RBM14: variants seen among roughly 807,000 people sequenced by gnomAD.
The protein encoded by RBM14 is RNA-binding protein 14.
A neutral mutation model predicts 52.8 loss-of-function variants in RBM14; 5 were observed. That is an observed-to-expected ratio of 0.09 (90% CI 0.05 to 0.20). The LOEUF is 0.20. Ranked by LOEUF, RBM14 falls within the 10% of genes least tolerant of loss-of-function variation. RBM14 has a pLI of 1.00. For synonymous variants in RBM14, 411 were observed against 401.8 expected (o/e 1.02, Z -0.28); for missense variants, 780 against 926.6 (o/e 0.84, Z 2.05).
At chr11:66,619,908 T>C (rs1258303116) in intron 1 of RBM14, among the ~76,000 whole-genome samples, 1 of 152,244 alleles carries the variant, frequency 6.6e-6, no homozygotes, top group Non-Finnish European at 1.5e-5. Context: ...AGAACTTGTT[T>C]TTCTGGATTC....
rs1200714254 is a variant in RBM14, at chr11:66,627,116, T to G, written c.*448T>G. On this transcript the variant is annotated 3_prime_UTR_variant, in exon 3 of 3. Transcript: ENST00000310137. ...CCTATGTGCCAAGCTGTGCCAGCAG[T>G]CCAGGGTACCCTGACTGTCCCTCTG... 6.2e-6 allele frequency: 1 copy of G among 162,458 alleles called. No homozygotes were observed. Among genetic ancestry groups the G allele is most frequent in the Non-Finnish European group, 1.3e-5 (1 of 74,688 alleles). The allele number at this position is 162,458 out of a possible 1,614,324, so 10.1% of individuals were successfully genotyped here. A position where few individuals can be genotyped will look rare whatever the true frequency, so the allele number is the denominator to read the frequency against.
rs1334957287 is a variant in RBM14 at position 66,624,561 on chromosome 11, C to T, written c.685C>T (p.Pro229Ser). 3 of 1,612,734 alleles carry T rather than the reference C, an allele frequency of 1.9e-6. No homozygotes were observed. The East Asian group carries it at 6.7e-5, about 36-fold the overall frequency. Residue 229 changes from proline to serine, a missense_variant, in exon 2 of 3, where the codon CCT (proline) becomes TCT (serine). Coordinates refer to ENST00000310137, the MANE Select transcript of RBM14 (RefSeq NM_006328.4). This position sits in a 1 kb window ranked among gnomAD's most constrained non-coding sequence, Gnocchi z 4.7. The part of the protein sequence containing the change: ...RSPPRASYVA[P>S]LTAQPATYRA... ...ACCTCCCCGAGCCTCTTATGTGGCT[C>T]CTCTGACGGCCCAGCCAGCTACCTA...
At chr11:66,618,652 G>A (rs1858957244) in intron 1 of RBM14, 1 of 680,606 alleles carries the variant, frequency 1.5e-6, no homozygotes, top group East Asian at 2.7e-5. Flanking sequence ...TGGGGTATAT[G>A]AGTCTCATTT....
chr11:66,616,688 C>A lies in RBM14; in HGVS notation c.-33C>A. 1 of 1,561,340 alleles carries A rather than the reference C, an allele frequency of 6.4e-7. No homozygotes were observed. The highest frequency in any genetic ancestry group is 8.7e-7 in the Non-Finnish European group (1 of 1,148,142). On this transcript the variant is annotated 5_prime_UTR_variant, in exon 1 of 3. Coordinates refer to ENST00000310137, the MANE Select transcript of RBM14 (RefSeq NM_006328.4). ...CTTGCCTGTCGCTGGAGGAGAGGTC[C>A]GGGCTCTCCAGGAAGGTGGCTGCGG...
intron 1 of RBM14, chr11:66,621,020 T>G (rs1001486793): frequency 2.8e-4 from 43 of 152,172 alleles, no homozygotes; most frequent in African/African-American, 1.0e-3. Context: ...AAATATTTAT[T>G]CATTCTTTAG....
chr11:66,622,276 G>T (rs1043873572), intron 1 of RBM14, among the ~76,000 whole-genome samples: 16 of 148,002 alleles, frequency 1.1e-4, no homozygotes, highest in African/African-American at 3.8e-4. Flanking sequence ...GTGTCACCCA[G>T]ACTGGAGTAC....
intron 1 of RBM14, chr11:66,618,521 A>C (rs775132859): frequency 1.4e-6 from 1 of 717,450 alleles, no homozygotes; most frequent in South Asian, 1.5e-5. Context: ...GACTATCCGG[A>C]ATCGGGCTTT....
chr11:66,620,305 ATATT>A (rs1425089837), intron 1 of RBM14, among the ~76,000 whole-genome samples: 2 of 151,848 alleles, frequency 1.3e-5, no homozygotes, highest in East Asian at 1.9e-4. Flanking sequence ...TGTTATTTAT[ATATT>A]TATTATTTTT....
rs973969454 is a variant in RBM14, at chr11:66,623,761, T to G, written c.338-453T>G. ...ATGGGTCATACCAAAACGTGAGTGG[T>G]CATTTCCAGTGTTTGAGAGTTAGGC... On this transcript the variant is annotated intron_variant, in intron 1 of 2. Coordinates refer to ENST00000310137, the MANE Select transcript of RBM14 (RefSeq NM_006328.4). 10 of 646,956 alleles carry G rather than the reference T, an allele frequency of 1.5e-5. No homozygotes were observed. The Admixed American group carries it at 2.3e-4, about 15-fold the overall frequency. 40.1% of individuals were successfully genotyped at this position (646,956 alleles called of 1,614,324 possible).
In RBM14 at chr11:66,625,683, T is replaced by TG; in HGVS notation, c.1802+6dup. The TG allele has an allele frequency of 1.3e-6, 2 of 1,586,958 alleles. No individual in the cohort carries two copies. The highest frequency in any genetic ancestry group is 1.7e-6 in the Non-Finnish European group (2 of 1,166,204). Reference sequence around the variant, plus strand: ...GGCTGTCGCCATGTCGAAAAGGTACTGTATGCCCCCCCGCCTCTGCCCCCA... The same window carrying TG: ...GGCTGTCGCCATGTCGAAAAGGTACTGGTATGCCCCCCCGCCTCTGCCCCCA... On this transcript the variant is annotated splice_donor_region_variant and intron_variant, in intron 2 of 2. Coordinates refer to ENST00000310137, the MANE Select transcript of RBM14 (RefSeq NM_006328.4). The surrounding 1 kb of genome is among the most constrained non-coding windows in gnomAD (Gnocchi z 4.2).
chr11:66,626,415 T>TC (rs1201962921), intron 2 of RBM14, 46 bp from the exon 3 acceptor site: 1 of 1,555,704 alleles, frequency 6.4e-7, no homozygotes. Flanking sequence ...CCTGGAGTCC[T>TC]CCCCTCAATT....
chr11:66,617,976 T>A (rs1009687648), intron 1 of RBM14, among the ~76,000 whole-genome samples: 2 of 152,190 alleles, frequency 1.3e-5, no homozygotes, highest in African/African-American at 4.8e-5. Flanking sequence ...GTTTACTGAA[T>A]CAGTAGTAGT....
chr11:66,617,448 C>T (rs1032176113), intron 1 of RBM14: 9 of 1,036,876 alleles, frequency 8.7e-6, no homozygotes, highest in Non-Finnish European at 9.3e-6. Context: ...TTCCCCACTT[C>T]CTCTCCAGAC....
At position 66,628,327 on chromosome 11, in the gene RBM14, TG is replaced by T. The variant is rs2135030445; in HGVS notation, c.*1663del. On this transcript the variant is annotated 3_prime_UTR_variant, in exon 3 of 3. Coordinates refer to ENST00000310137, the MANE Select transcript of RBM14 (RefSeq NM_006328.4). ...TTAAAGACTCGATTTGGGAGCCTAC[TG>T]GGGCAAGGCGACTGGGGAGGTGTAC... 6.6e-6 allele frequency among the ~76,000 whole-genome samples: 1 copy of T among 152,274 alleles called. No homozygotes were observed. Among genetic ancestry groups the T allele is most frequent in the South Asian group, 2.1e-4 (1 of 4,826 alleles).
rs1225795017 is a variant in RBM14, at chr11:66,627,624, C to T, written c.*956C>T. On this transcript the variant is annotated 3_prime_UTR_variant, in exon 3 of 3. Transcript: ENST00000310137. ...AATGCAGTAAATGATGCCCATTTTC[C>T]TCTGCCTGTGCTTGACCATTTTCAC... 1.3e-5 allele frequency among the ~76,000 whole-genome samples: 2 copies of T among 152,214 alleles called. No homozygotes were observed. The highest frequency in any genetic ancestry group is 4.8e-5 in the African/African-American group (2 of 41,444).
rs1413798662 is a variant in RBM14 at position 66,626,793 on chromosome 11, T to C, written c.*125T>C. 14 of 923,924 alleles carry C rather than the reference T, an allele frequency of 1.5e-5. No individual in the cohort carries two copies. The highest frequency in any genetic ancestry group is 3.3e-5 in the African/African-American group (2 of 59,850). The allele number at this position is 923,924 out of a possible 1,614,324, so 57.2% of individuals were successfully genotyped here. A position where few individuals can be genotyped will look rare whatever the true frequency, so the allele number is the denominator to read the frequency against. Reference sequence around the variant, plus strand: ...TTGTGGTTTTTCATGCCCTCTACCATGTGGGCCTTCCCCAGGAGATGATCC... The same window carrying C: ...TTGTGGTTTTTCATGCCCTCTACCACGTGGGCCTTCCCCAGGAGATGATCC... On this transcript the variant is annotated 3_prime_UTR_variant, in exon 3 of 3. Coordinates refer to ENST00000310137, the MANE Select transcript of RBM14 (RefSeq NM_006328.4).
chr11:66,626,983 G>A lies in RBM14; in HGVS notation c.*315G>A, dbSNP rs747400749. ...TCCTGGCTCCCTTTTATTTTTGTGC[G>A]CGATATTTAAGGTCGTCTGGATGGG... On this transcript the variant is annotated 3_prime_UTR_variant, in exon 3 of 3. Coordinates refer to ENST00000310137, the MANE Select transcript of RBM14 (RefSeq NM_006328.4). The A allele has an allele frequency of 2.0e-4, 49 of 249,550 alleles. 1 individual carries two copies. The highest frequency in any genetic ancestry group is 7.9e-4 in the Admixed American group (15 of 18,958). 15.5% of individuals were successfully genotyped at this position (249,550 alleles called of 1,614,324 possible).
chr11:66,625,154 T>C lies in RBM14; in HGVS notation c.1278T>C (p.Ser426=), dbSNP rs1937729604. The change falls in exon 2 of 3, where the codon TCT becomes TCC. Residue 426 remains serine, a synonymous_variant. Transcript: ENST00000310137. The surrounding 1 kb of genome is among the most constrained non-coding windows in gnomAD (Gnocchi z 4.2). ...PYAAQQAASY[S]SQPAAYVAQP... ...CTGCACAGCAGGCTGCTTCCTACTC[T>C]TCCCAACCTGCTGCCTATGTGGCAC... 1 of 1,612,650 alleles carries C rather than the reference T, an allele frequency of 6.2e-7. No individual in the cohort carries two copies. Among genetic ancestry groups the C allele is most frequent in the South Asian group, 1.1e-5 (1 of 91,092 alleles).
At position 66,628,276 on chromosome 11, in the gene RBM14, C is replaced by T. The variant is rs1368073782; in HGVS notation, c.*1608C>T. The stretch of plus-strand genomic sequence containing the variant: ...AGTGGGATGATAATGGGAGAACTTA[C>T]TGATGCTCTTTTGGGAAAAGGTGCT... On this transcript the variant is annotated 3_prime_UTR_variant, in exon 3 of 3. Transcript: ENST00000310137. Among the ~76,000 whole-genome samples the T allele has an allele frequency of 3.9e-5, 6 of 152,118 alleles. No individual in the cohort carries two copies. The highest frequency in any genetic ancestry group is 1.4e-4 in the African/African-American group (6 of 41,420).
Sources: gnomAD v4.1 joint callset for allele counts (sites outside exome capture counted in the v4.1 genomes callset) on GRCh38, gnomAD v4.1.1 for gene constraint, Gnocchi (gnomAD v3.1) non-coding constraint, MANE v1.5 for transcripts, NCBI Gene and HGNC (gene_info 2026-07-23, HGNC 2026-07-21) for gene names.